The following SSBP3 variants were observed in gnomAD, a reference collection of about 807,000 sequenced individuals.
The protein encoded by SSBP3 is single stranded DNA binding protein 3.
SSBP3 carries 5 observed loss-of-function variants against 69.6 expected under a neutral mutation model. The observed-to-expected ratio is 0.07, with a 90% confidence interval of 0.04 to 0.15. The LOEUF is 0.15. Ranked by LOEUF, SSBP3 falls within the 10% of genes least tolerant of loss-of-function variation. The probability of loss-of-function intolerance (pLI) is 1.00; values close to 1 mark genes in which losing one functional copy is unlikely to be tolerated. For synonymous variants in SSBP3, 196 were observed against 193.4 expected (o/e 1.01, Z -0.11); for missense variants, 312 against 534.0 (o/e 0.58, Z 4.10).
At position 54,289,029 on chromosome 1, in the gene SSBP3, A is replaced by AAC. The variant is rs1553132191; in HGVS notation, c.277-7503_277-7502insGT. On this transcript the variant is annotated intron_variant, in intron 4 of 17. Coordinates refer to ENST00000610401, the Ensembl canonical transcript of SSBP3. ...AGCTAGACTCTGTCTCCAAAAAAAA[A>AAC]AAAAAAACAAAAAAACAAAAAAAAA... is the stretch of plus-strand genomic sequence containing the variant. Among the ~76,000 whole-genome samples, 65 of 75,100 alleles carry AAC rather than the reference A, an allele frequency of 8.7e-4. 1 individual carries two copies. The highest frequency in any genetic ancestry group is 5.3e-3 in the East Asian group (24 of 4,534). 49.3% of individuals were successfully genotyped at this position (75,100 alleles called of 152,430 possible). A position where few individuals can be genotyped will look rare whatever the true frequency, so the allele number is the denominator to read the frequency against.
intron 7 of SSBP3, among the ~76,000 whole-genome samples, chr1:54,253,168 GTT>G (rs1171308407): frequency 1.1e-5 from 1 of 92,598 alleles, no homozygotes; most frequent in Non-Finnish European, 2.3e-5. Flanking sequence ...ATTGGTATTT[GTT>G]TTTGTTTTTT....
intron 4 of SSBP3, among the ~76,000 whole-genome samples, chr1:54,289,521 C>G (rs1304138739): frequency 6.6e-6 from 1 of 152,162 alleles, no homozygotes; most frequent in Non-Finnish European, 1.5e-5. Flanking sequence ...CAGGTCTGCC[C>G]TGCAGGTCAG....
At chr1:54,340,083 G>A (rs963336792) in intron 4 of SSBP3, among the ~76,000 whole-genome samples, 2 of 151,926 alleles carry the variant, frequency 1.3e-5, no homozygotes, top group Non-Finnish European at 2.9e-5. Flanking sequence ...GAGGATAAGC[G>A]CCTTCAAGGA....
At chr1:54,359,435 T>C (rs1646918777) in intron 4 of SSBP3, among the ~76,000 whole-genome samples, 3 of 152,184 alleles carry the variant, frequency 2.0e-5, no homozygotes, top group Non-Finnish European at 4.4e-5. Context: ...ACTGATAAAA[T>C]GCTAATGGGA....
At chr1:54,408,729 C>T (rs60657054), upstream of SSBP3, among the ~76,000 whole-genome samples, 5,630 of 152,244 alleles carry the variant, frequency 0.037, 124 homozygotes, top group East Asian at 0.043. Context: ...AAATTTCCCT[C>T]CTATATTTTT....
At chr1:54,243,527 A>G (rs924437827) in intron 9 of SSBP3, among the ~76,000 whole-genome samples, 13 of 152,204 alleles carry the variant, frequency 8.5e-5, no homozygotes, top group Admixed American at 7.8e-4. Flanking sequence ...GTGCATTTTC[A>G]GGAGCTTTCA....
chr1:54,279,381 G>A (rs141917047), intron 5 of SSBP3, among the ~76,000 whole-genome samples: 2 of 152,344 alleles, frequency 1.3e-5, no homozygotes, highest in African/African-American at 4.8e-5. Flanking sequence ...CTTAGCCATG[G>A]ACGATTATAC....
chr1:54,409,202 T>C (rs1271880864), upstream of SSBP3, among the ~76,000 whole-genome samples: 1 of 152,020 alleles, frequency 6.6e-6, no homozygotes, highest in Non-Finnish European at 1.5e-5. Context: ...CTGCCTCAGT[T>C]CCCTTCTTCT....
In SSBP3 at chr1:54,275,296, G is replaced by A. The variant is rs563867416; in HGVS notation, c.366+6142C>T. 1.8e-4 allele frequency among the ~76,000 whole-genome samples: 27 copies of A among 152,310 alleles called. No homozygotes were observed. The East Asian group carries it at 3.5e-3, about 20-fold the overall frequency. ...CTGTCAGATGGGTGGGGACCCCAGC[G>A]CCCCGCCACCAAGCTTCCACTAGTA... On this transcript the variant is annotated intron_variant, in intron 5 of 17. Coordinates refer to ENST00000610401, the Ensembl canonical transcript of SSBP3.
At position 54,347,499 on chromosome 1, in the gene SSBP3, C is replaced by A. The variant is rs777527106; in HGVS notation, c.276+54362G>T. Among the ~76,000 whole-genome samples the A allele has an allele frequency of 1.7e-4, 26 of 152,130 alleles. 1 individual carries two copies. Among genetic ancestry groups the A allele is most frequent in the Non-Finnish European group, 2.7e-4 (18 of 67,906 alleles). ...TACAGGCATTAGTCACTACACCAGG[C>A]CTGTATTCTTTTTGTTGGTTTGTTT... On this transcript the variant is annotated intron_variant, in intron 4 of 17. Transcript: ENST00000610401.
intron 3 of SSBP3, among the ~76,000 whole-genome samples, chr1:54,404,099 T>A (rs1475066705): frequency 6.6e-6 from 1 of 152,146 alleles, no homozygotes; most frequent in Non-Finnish European, 1.5e-5. Context: ...TGGCAGCCCT[T>A]TCTTGCTCTT....
At chr1:54,277,492 G>A (rs1645310690) in intron 5 of SSBP3, among the ~76,000 whole-genome samples, 1 of 152,186 alleles carries the variant, frequency 6.6e-6, no homozygotes, top group African/African-American at 2.4e-5. Flanking sequence ...GAGGAACCAG[G>A]AAAGCTGGGT....
chr1:54,268,796 TGGGAGGTC>T (rs1430951345), intron 5 of SSBP3, among the ~76,000 whole-genome samples: 1 of 152,144 alleles, frequency 6.6e-6, no homozygotes, highest in African/African-American at 2.4e-5. Context: ...GACACAGATG[TGGGAGGTC>T]GGGCCCACAG....
In SSBP3 at chr1:54,311,570, C is replaced by A. The variant is rs76056311; in HGVS notation, c.277-30043G>T. On this transcript the variant is annotated intron_variant, in intron 4 of 17. Coordinates refer to ENST00000610401, the Ensembl canonical transcript of SSBP3. Reference sequence around the variant, plus strand: ...AGACAACCCTGCCTACCTCATGGGGCCCATTGAGAGCATGTGAGCCAGCCC... The same window carrying A: ...AGACAACCCTGCCTACCTCATGGGGACCATTGAGAGCATGTGAGCCAGCCC... Among the ~76,000 whole-genome samples the A allele has an allele frequency of 9.5e-3, 1,444 of 152,250 alleles. 12 individuals are homozygous for A. The highest frequency in any genetic ancestry group is 0.034 in the Middle Eastern group (10 of 294).
chr1:54,355,145 C>A (rs1646843029), intron 4 of SSBP3, among the ~76,000 whole-genome samples: 1 of 152,236 alleles, frequency 6.6e-6, no homozygotes. Context: ...CAATGCCTGC[C>A]ACATGCGGCG....
chr1:54,373,133 C>A (rs1049019816), intron 4 of SSBP3, among the ~76,000 whole-genome samples: 1 of 152,154 alleles, frequency 6.6e-6, no homozygotes, highest in African/African-American at 2.4e-5. Context: ...TGCCACCTGA[C>A]AGCATTGCTT....
At chr1:54,406,488 C>A (rs906588619), upstream of SSBP3, 2 of 152,384 alleles carry the variant, frequency 1.3e-5, no homozygotes, top group African/African-American at 4.8e-5. Context: ...AATCGGCGCA[C>A]GCGGGGGCGG....
At chr1:54,310,652 G>A (rs1322665125) in intron 4 of SSBP3, among the ~76,000 whole-genome samples, 1 of 138,762 alleles carries the variant, frequency 7.2e-6, no homozygotes, top group African/African-American at 2.6e-5. Context: ...AATCTGCAAA[G>A]CACCAGCCCA....
At position 54,270,725 on chromosome 1, in the gene SSBP3, G is replaced by C. The variant is rs577802438; in HGVS notation, c.366+10713C>G. On this transcript the variant is annotated intron_variant, in intron 5 of 17. Coordinates refer to ENST00000610401, the Ensembl canonical transcript of SSBP3. ...ACGCCTACAACAACTCTAAAGTCTCGAGAGCCAACCCAGCACAGACACCAG... is the reference window on the plus strand; with the variant it reads ...ACGCCTACAACAACTCTAAAGTCTCCAGAGCCAACCCAGCACAGACACCAG... 2.2e-4 allele frequency among the ~76,000 whole-genome samples: 33 copies of C among 152,234 alleles called. No homozygotes were observed. In the East Asian group the frequency reaches 3.7e-3, roughly 17 times the overall value.
Sources: allele counts gnomAD v4.1 joint callset (sites outside exome capture counted in the v4.1 genomes callset), GRCh38; gene constraint gnomAD v4.1.1; transcripts MANE v1.5; gene names NCBI Gene and HGNC (gene_info 2026-07-23, HGNC 2026-07-21).